Variants in PHEX observed in about 807,000 individuals in gnomAD.
PHEX encodes phosphate-regulating neutral endopeptidase PHEX.
PHEX carries 16 observed loss-of-function variants against 68.0 expected under a neutral mutation model. The ratio of observed to expected loss-of-function variants is 0.24; its 90% CI spans 0.16 to 0.36. The LOEUF (loss-of-function observed/expected upper bound fraction) is 0.36. Ranked by LOEUF, PHEX falls within the 10% of genes least tolerant of loss-of-function variation. The pLI is 1.00. For synonymous variants in PHEX, 208 were observed against 205.1 expected (o/e 1.01, Z -0.12); for missense variants, 480 against 575.5 (o/e 0.83, Z 1.70).
chrX:22,240,585 A>C lies in PHEX; in HGVS notation c.2071-4748A>C, dbSNP rs1222646160. 3.6e-5 allele frequency among the ~76,000 whole-genome samples: 4 copies of C among 111,269 alleles called. No homozygotes were observed. The Admixed American group carries it at 3.8e-4, about 11-fold the overall frequency. ...AAAGCAAAAAACAAAAACAAACAAA[A>C]AAAAAACAGAGGTTGCAATCCTAGT... On this transcript the variant is annotated intron_variant, in intron 20 of 21. Coordinates refer to ENST00000379374, the MANE Select transcript of PHEX (RefSeq NM_000444.6).
chrX:22,226,398 G>GA (rs765211331), intron 18 of PHEX, 45 bp from the exon 19 acceptor site: 1 of 942,604 alleles, frequency 1.1e-6, no homozygotes, highest in Admixed American at 2.2e-5. Context: ...AGTTGACCGT[G>GA]AAACACGCAT....
intron 3 of PHEX, among the ~76,000 whole-genome samples, chrX:22,068,800 T>C (rs7882553): frequency 0.042 from 4,727 of 111,636 alleles, 251 homozygotes; most frequent in African/African-American, 0.14. Flanking sequence ...TATATAAACA[T>C]ACACGGCTTT....
intron 12 of PHEX, among the ~76,000 whole-genome samples, chrX:22,134,288 G>A (rs1932140268): frequency 8.9e-6 from 1 of 112,415 alleles, no homozygotes; most frequent in African/African-American, 3.2e-5. Flanking sequence ...TGACAGCCAT[G>A]CTGTTTAAAA....
chrX:22,206,655 G>A (rs891838775), intron 15 of PHEX, among the ~76,000 whole-genome samples: 2 of 111,193 alleles, frequency 1.8e-5, no homozygotes, highest in Non-Finnish European at 3.8e-5. Context: ...CCTGAAGCGA[G>A]CCATACAGAT....
At chrX:22,063,936 AT>A (rs774433831) in intron 3 of PHEX, among the ~76,000 whole-genome samples, 3 of 112,604 alleles carry the variant, frequency 2.7e-5, no homozygotes, top group Non-Finnish European at 5.6e-5. Flanking sequence ...GCCAGAGAAT[AT>A]GCAAACACTG....
At chrX:22,218,652 A>G (rs1935167697) in intron 16 of PHEX, among the ~76,000 whole-genome samples, 1 of 111,734 alleles carries the variant, frequency 8.9e-6, no homozygotes, top group African/African-American at 3.3e-5. Flanking sequence ...AATATACATG[A>G]TATATTTACT....
rs145393882 is a variant in PHEX, at chrX:22,038,535, C to T, written c.185C>T (p.Ala62Val). Residue 62 changes from alanine to valine, a missense_variant and splice_region_variant, in exon 2 of 22, where the codon GCG (alanine) becomes GTG (valine). Transcript: ENST00000379374. ...EYCLKPECIE[A>V]AAAILSKVNL... ...TGCCTGAAGCCAGAATGCATCGAAG[C>T]GGGTAAGTCACAGTTTTCCATCCTG... The T allele has an allele frequency of 2.1e-5, 24 of 1,162,996 alleles. No individual in the cohort carries two copies. In the African/African-American group the frequency reaches 3.0e-4, roughly 15 times the overall value.
At chrX:22,239,515 A>G (rs906277073) in intron 20 of PHEX, among the ~76,000 whole-genome samples, 4 of 110,889 alleles carry the variant, frequency 3.6e-5, no homozygotes, top group Admixed American at 1.9e-4. Flanking sequence ...GGAACTGCTA[A>G]CTAGAATAAC....
At chrX:22,126,157 T>C (rs1291979141) in intron 11 of PHEX, among the ~76,000 whole-genome samples, 1 of 112,478 alleles carries the variant, frequency 8.9e-6, no homozygotes, top group African/African-American at 3.2e-5. Flanking sequence ...ATTAGCAGAA[T>C]ACTTTTTTGT....
At chrX:22,123,875 A>G (rs1310132329) in intron 11 of PHEX, among the ~76,000 whole-genome samples, 1 of 98,923 alleles carries the variant, frequency 1.0e-5, no homozygotes, top group Non-Finnish European at 2.0e-5. Context: ...CCTGTTGCCC[A>G]GGCTGGAGTG....
intron 15 of PHEX, among the ~76,000 whole-genome samples, chrX:22,201,436 C>T (rs766568310): frequency 9.0e-6 from 1 of 111,447 alleles, no homozygotes; most frequent in Non-Finnish European, 1.9e-5. Flanking sequence ...CCACCTGCCT[C>T]GGCCTCCCAA....
chrX:22,078,358 G>A (rs1203596572), intron 5 of PHEX, among the ~76,000 whole-genome samples: 1 of 112,093 alleles, frequency 8.9e-6, no homozygotes, highest in African/African-American at 3.2e-5. Context: ...CAATGAAAGA[G>A]CTATGCAAGA....
At chrX:22,048,118 C>T (rs1927630162) in intron 3 of PHEX, among the ~76,000 whole-genome samples, 1 of 110,925 alleles carries the variant, frequency 9.0e-6, no homozygotes, top group Admixed American at 9.7e-5. Context: ...TATCATTTTA[C>T]AATAAGTAAA....
At chrX:22,088,961 T>A (rs1929740248) in intron 5 of PHEX, among the ~76,000 whole-genome samples, 1 of 112,276 alleles carries the variant, frequency 8.9e-6, no homozygotes, top group South Asian at 3.7e-4. Context: ...CATTTTCAGT[T>A]AATTTTTGAC....
intron 15 of PHEX, among the ~76,000 whole-genome samples, chrX:22,201,337 T>C (rs1934546397): frequency 9.0e-6 from 1 of 110,976 alleles, no homozygotes; most frequent in Non-Finnish European, 1.9e-5. Context: ...CCACCACGCC[T>C]GGCTATTTTT....
At chrX:22,035,313 TC>T (rs1297556533) in intron 1 of PHEX, among the ~76,000 whole-genome samples, 1 of 111,350 alleles carries the variant, frequency 9.0e-6, no homozygotes, top group Non-Finnish European at 1.9e-5. Context: ...CTCTCTTTCC[TC>T]CCCACAATCT....
intron 3 of PHEX, among the ~76,000 whole-genome samples, chrX:22,048,561 A>G: frequency 8.9e-6 from 1 of 111,893 alleles, no homozygotes; most frequent in Non-Finnish European, 1.9e-5. Flanking sequence ...TTCCAGGCAT[A>G]TGCTCCTTTT....
At chrX:22,239,845 A>T (rs1045005086) in intron 20 of PHEX, among the ~76,000 whole-genome samples, 4 of 111,674 alleles carry the variant, frequency 3.6e-5, no homozygotes, top group Non-Finnish European at 5.6e-5. Context: ...GAACGTCCCC[A>T]ACCTAACAAG....
rs778473723 is a variant in PHEX at position 22,047,656 on chromosome X, ATTG to A, written c.349+448_349+450del. ...CTCTGGATGACCTTGTGGTTGTCAT[ATTG>A]TTCTTGTTAACTTCTAAGTTGGCTC... On this transcript the variant is annotated intron_variant, in intron 3 of 21. Coordinates refer to ENST00000379374, the MANE Select transcript of PHEX (RefSeq NM_000444.6). Among the ~76,000 whole-genome samples, 102 of 111,888 alleles carry A rather than the reference ATTG, an allele frequency of 9.1e-4. No homozygotes were observed. In the South Asian group the frequency reaches 0.036, roughly 39 times the overall value.
Sources: allele counts gnomAD v4.1 joint callset (sites outside exome capture counted in the v4.1 genomes callset), GRCh38; gene constraint gnomAD v4.1.1; transcripts MANE v1.5; gene names NCBI Gene and HGNC (gene_info 2026-07-23, HGNC 2026-07-21).